Variants in NANOG observed in about 807,000 individuals in gnomAD.
NANOG encodes Nanog homeobox, also known as homeobox protein NANOG.
Under a neutral mutation model 17.7 loss-of-function variants are expected in NANOG, and 2 were observed. That is an observed-to-expected ratio of 0.11 (90% CI 0.05 to 0.36). NANOG has a LOEUF of 0.36. Ranked by LOEUF, NANOG falls within the 10% of genes least tolerant of loss-of-function variation. The pLI is 1.00. For synonymous variants in NANOG, 81 were observed against 124.7 expected (o/e 0.65, Z 2.33); for missense variants, 174 against 362.1 (o/e 0.48, Z 4.22).
In NANOG at chr12:7,789,467, G is replaced by C. The variant is rs1862803399; in HGVS notation, c.-148G>C. The C allele has an allele frequency of 1.5e-6, 1 of 650,754 alleles. No individual in the cohort carries two copies. 40.3% of individuals were successfully genotyped at this position (650,754 alleles called of 1,614,324 possible). The stretch of plus-strand genomic sequence containing the variant: ...TGAGCTGGTTGCCTCATGTTATTAT[G>C]CAGGCAACTCACTTTATCCCAATTT... On this transcript the variant is annotated 5_prime_UTR_variant, in exon 1 of 4. An upstream start codon of the reference 5' UTR is lost. Coordinates refer to ENST00000229307, the MANE Select transcript of NANOG (RefSeq NM_024865.4).
intron 1 of NANOG, among the ~76,000 whole-genome samples, chr12:7,792,269 C>T (rs1862851245): frequency 6.6e-6 from 1 of 152,134 alleles, no homozygotes. Context: ...AGATCATAAA[C>T]AAAGTGATTT....
chr12:7,789,825 G>A (rs1862812586), intron 1 of NANOG, 60 bp downstream of exon 1: 1 of 1,527,914 alleles, frequency 6.5e-7, no homozygotes, highest in African/African-American at 1.4e-5. Context: ...GAGAAGGAGA[G>A]AGGGTTAAGG....
At position 7,795,865 on chromosome 12, in the gene NANOG, T is replaced by C; in HGVS notation, c.*770T>C. 1 of 147,788 alleles carries C rather than the reference T, an allele frequency of 6.8e-6. No homozygotes were observed. Among genetic ancestry groups the C allele is most frequent in the Non-Finnish European group, 1.5e-5 (1 of 67,000 alleles). The allele number at this position is 147,788 out of a possible 1,614,324, so 9.2% of individuals were successfully genotyped here. ...ATTGATTTCTTACCGTTTTTGGCTC[T>C]GTTTTGCTATATCCCCTAATTTGTT... On this transcript the variant is annotated 3_prime_UTR_variant, in exon 4 of 4. Transcript: ENST00000229307.
intron 1 of NANOG, among the ~76,000 whole-genome samples, chr12:7,790,118 A>ACAGC (rs372800882): frequency 1 from 151,962 of 152,360 alleles, 75,786 homozygotes; most frequent in Middle Eastern, 1. Context: ...TGCTGGACAC[A>ACAGC]TGTGAATAAA....
At position 7,794,542 on chromosome 12, in the gene NANOG, A is replaced by C; in HGVS notation, c.500A>C (p.Gln167Pro). ...CCGAAGAATAGCAATGGTGTGACGC[A>C]GGTAACAGGAAACTTCATTCTGTTC... ...NWPKNSNGVT[Q>P]KASAPTYPSL... is the part of the protein sequence containing the mutation. Residue 167 changes from glutamine to proline, a missense_variant and splice_region_variant, in exon 3 of 4, where the codon CAG (glutamine) becomes CCG (proline). Gln to Pro is a moderately conservative substitution (Grantham distance 76). Coordinates refer to ENST00000229307, the MANE Select transcript of NANOG (RefSeq NM_024865.4). 6.2e-7 allele frequency: 1 copy of C among 1,613,200 alleles called. No individual in the cohort carries two copies. The highest frequency in any genetic ancestry group is 8.5e-7 in the Non-Finnish European group (1 of 1,179,556).
chr12:7,790,475 A>T (rs184727514), intron 1 of NANOG, among the ~76,000 whole-genome samples: 1 of 152,050 alleles, frequency 6.6e-6, no homozygotes, highest in Non-Finnish European at 1.5e-5. Flanking sequence ...CTGTGCTAGT[A>T]CTCATGCTTC....
intron 1 of NANOG, 142 bp from the exon 2 acceptor site, chr12:7,792,808 G>A: frequency 1.2e-6 from 1 of 812,350 alleles, no homozygotes; most frequent in Non-Finnish European, 2.0e-6. Context: ...CAAAGTGCCA[G>A]GGCTGCTTAA....
At position 7,795,883 on chromosome 12, in the gene NANOG, A is replaced by C. The variant is rs1862924048; in HGVS notation, c.*788A>C. 1.4e-5 allele frequency: 2 copies of C among 146,420 alleles called. No individual in the cohort carries two copies. The highest frequency in any genetic ancestry group is 7.1e-5 in the Admixed American group (1 of 14,076). The allele number at this position is 146,420 out of a possible 1,614,324, so 9.1% of individuals were successfully genotyped here. A position where few individuals can be genotyped will look rare whatever the true frequency, so the allele number is the denominator to read the frequency against. On this transcript the variant is annotated 3_prime_UTR_variant, in exon 4 of 4. Transcript: ENST00000229307. ...TTGGCTCTGTTTTGCTATATCCCCT[A>C]ATTTGTTGGTTGTGCTAATCTTTGT... is the stretch of plus-strand genomic sequence containing the variant.
rs1862954704 is a variant in NANOG, at chr12:7,798,152, G to A, written c.*3057G>A. ...AGCACTTCGGGAGACCAAGGCAGGT[G>A]GATCACCTGAGGTCAGGAGTTCAAG... is the stretch of plus-strand genomic sequence containing the variant. On this transcript the variant is annotated 3_prime_UTR_variant, in exon 4 of 4. Transcript: ENST00000229307. The A allele has an allele frequency of 6.6e-6, 1 of 152,186 alleles. No homozygotes were observed. Among genetic ancestry groups the A allele is most frequent in the African/African-American group, 2.4e-5 (1 of 41,448 alleles). The allele number at this position is 152,186 out of a possible 1,614,324, so 9.4% of individuals were successfully genotyped here.
At position 7,798,350 on chromosome 12, in the gene NANOG, G is replaced by GAC. The variant is rs1565479267; in HGVS notation, c.*3257_*3258dup. ...AATGCCACCCCACTCCAGCCTGGGC[G>GAC]ACAGAGCGTCACTGTCTCAAAAATA... On this transcript the variant is annotated 3_prime_UTR_variant, in exon 4 of 4. Coordinates refer to ENST00000229307, the MANE Select transcript of NANOG (RefSeq NM_024865.4). 1 of 152,180 alleles carries GAC rather than the reference G, an allele frequency of 6.6e-6. No individual in the cohort carries two copies. Among genetic ancestry groups the GAC allele is most frequent in the South Asian group, 2.1e-4 (1 of 4,830 alleles). 9.4% of individuals were successfully genotyped at this position (152,180 alleles called of 1,614,324 possible).
At chr12:7,794,591 C>T in intron 3 of NANOG, 48 bp downstream of exon 3, 1 of 1,600,402 alleles carries the variant, frequency 6.2e-7, no homozygotes, top group Non-Finnish European at 8.5e-7. Flanking sequence ...ATCTTTCAAT[C>T]TTGTCCATCC....
At position 7,797,301 on chromosome 12, in the gene NANOG, C is replaced by G. The variant is rs1364562596; in HGVS notation, c.*2206C>G. The G allele has an allele frequency of 6.6e-6, 1 of 151,594 alleles. No homozygotes were observed. The highest frequency in any genetic ancestry group is 1.5e-5 in the Non-Finnish European group (1 of 68,004). The allele number at this position is 151,594 out of a possible 1,614,324, so 9.4% of individuals were successfully genotyped here. On this transcript the variant is annotated 3_prime_UTR_variant, in exon 4 of 4. Coordinates refer to ENST00000229307, the MANE Select transcript of NANOG (RefSeq NM_024865.4). ...GAACTCCTGACCTCAGGTGATCCACCTGACTCGGCCTCCCAAAGTGGTGGG... is the reference window on the plus strand; with the variant it reads ...GAACTCCTGACCTCAGGTGATCCACGTGACTCGGCCTCCCAAAGTGGTGGG...
chr12:7,794,333 A>G (rs761101978), intron 2 of NANOG, 124 bp from the exon 3 acceptor site: 1 of 900,044 alleles, frequency 1.1e-6, no homozygotes, highest in African/African-American at 1.7e-5. Context: ...TTGGCCTTCC[A>G]AAGTGTTGGG....
chr12:7,794,628 C>G (rs1253325097), intron 3 of NANOG, 51 bp from the exon 4 acceptor site: 1 of 1,610,842 alleles, frequency 6.2e-7, no homozygotes, highest in Admixed American at 1.7e-5. Context: ...CAGTCACAGA[C>G]AGTTCTGGTT....
intron 1 of NANOG, among the ~76,000 whole-genome samples, chr12:7,791,334 C>T (rs1246690226): frequency 6.6e-6 from 1 of 152,046 alleles, no homozygotes; most frequent in Non-Finnish European, 1.5e-5. Context: ...TGGTCTCAAA[C>T]TCCTGACCTC....
intron 2 of NANOG, among the ~76,000 whole-genome samples, chr12:7,793,801 G>C (rs1862877059): frequency 6.6e-6 from 1 of 151,984 alleles, no homozygotes; most frequent in South Asian, 2.1e-4. Flanking sequence ...GCATTACTTG[G>C]TTTAAGTACA....
At position 7,798,216 on chromosome 12, in the gene NANOG, A is replaced by C. The variant is rs1364038259; in HGVS notation, c.*3121A>C. On this transcript the variant is annotated 3_prime_UTR_variant, in exon 4 of 4. Transcript: ENST00000229307. Reference sequence around the variant, plus strand: ...ATATGGCGAAACCCTGTCTCTACTAAAAATACAGAAATTTGCCAGAGGTCT... The same window carrying C: ...ATATGGCGAAACCCTGTCTCTACTACAAATACAGAAATTTGCCAGAGGTCT... 1 of 152,134 alleles carries C rather than the reference A, an allele frequency of 6.6e-6. No homozygotes were observed. The highest frequency in any genetic ancestry group is 1.5e-5 in the Non-Finnish European group (1 of 68,046). The allele number at this position is 152,134 out of a possible 1,614,324, so 9.4% of individuals were successfully genotyped here.
At chr12:7,792,475 A>G (rs1862854377) in intron 1 of NANOG, among the ~76,000 whole-genome samples, 1 of 152,080 alleles carries the variant, frequency 6.6e-6, no homozygotes, top group South Asian at 2.1e-4. Flanking sequence ...GACCAGCCTC[A>G]CCAACATTGA....
At position 7,797,213 on chromosome 12, in the gene NANOG, C is replaced by T. The variant is rs1862943527; in HGVS notation, c.*2118C>T. On this transcript the variant is annotated 3_prime_UTR_variant, in exon 4 of 4. Transcript: ENST00000229307. ...GGGATTACAGGCACCCAACATTACACCCGGCTAATTTTTGGTATTTTTAGT... is the reference window on the plus strand; with the variant it reads ...GGGATTACAGGCACCCAACATTACATCCGGCTAATTTTTGGTATTTTTAGT... The T allele has an allele frequency of 6.6e-6, 1 of 152,022 alleles. No homozygotes were observed. The highest frequency in any genetic ancestry group is 2.4e-5 in the African/African-American group (1 of 41,380). The allele number at this position is 152,022 out of a possible 1,614,324, so 9.4% of individuals were successfully genotyped here.
Sources: gnomAD v4.1 joint callset for allele counts (sites outside exome capture counted in the v4.1 genomes callset) on GRCh38, gnomAD v4.1.1 for gene constraint, MANE v1.5 for transcripts, NCBI Gene and HGNC (gene_info 2026-07-23, HGNC 2026-07-21) for gene names.